Variants in GRIP1 observed in about 807,000 individuals in gnomAD.
The protein encoded by GRIP1 is glutamate receptor-interacting protein 1.
GRIP1 carries 45 observed loss-of-function variants against 129.9 expected under a neutral mutation model. The observed-to-expected ratio is 0.35, with a 90% CI of 0.27 to 0.44. The LOEUF is 0.44. Among genes scored for constraint, GRIP1 ranks in the 20% least tolerant of loss-of-function variants. The pLI, the probability that GRIP1 is intolerant of heterozygous loss-of-function variation, is 1.00. For missense variants in GRIP1, 1,196 were observed against 1,396.8 expected (o/e 0.86, Z 2.29); for synonymous variants, 530 against 520.8 (o/e 1.02, Z -0.24).
At chr12:66,529,683 G>A in intron 5 of GRIP1, 148 bp downstream of exon 5, 1 of 660,534 alleles carries the variant, frequency 1.5e-6, no homozygotes, top group Non-Finnish European at 2.7e-6. Flanking sequence ...TGGGTTCAGT[G>A]TATACTGCTC....
At chr12:66,383,080 T>G (rs1222880886) in intron 19 of GRIP1, among the ~76,000 whole-genome samples, 2 of 152,102 alleles carry the variant, frequency 1.3e-5, no homozygotes, top group Admixed American at 6.6e-5. Flanking sequence ...GTGGACCACC[T>G]GAGGCCAGGA....
chr12:66,569,686 G>A (rs1313644094), intron 2 of GRIP1, among the ~76,000 whole-genome samples: 1 of 152,116 alleles, frequency 6.6e-6, no homozygotes, highest in Non-Finnish European at 1.5e-5. Flanking sequence ...CTCCACAAGT[G>A]TCCAGCAAGA....
chr12:66,415,455 C>G (rs567988557), intron 15 of GRIP1, among the ~76,000 whole-genome samples: 5 of 152,182 alleles, frequency 3.3e-5, no homozygotes, highest in African/African-American at 1.2e-4. Context: ...AAAAGGAATG[C>G]TTTTACATGG....
intron 7 of GRIP1, among the ~76,000 whole-genome samples, chr12:66,497,273 T>C (rs973259274): frequency 6.6e-6 from 1 of 152,168 alleles, no homozygotes; most frequent in Non-Finnish European, 1.5e-5. Context: ...AAGGGCTCCC[T>C]GGGGGAGTAA....
intron 16 of GRIP1, among the ~76,000 whole-genome samples, chr12:66,399,400 G>A (rs866855440): frequency 6.6e-6 from 1 of 151,966 alleles, no homozygotes; most frequent in Non-Finnish European, 1.5e-5. Flanking sequence ...CTCCAGTGTA[G>A]AAGTCTTAGA....
At chr12:66,529,703 GTGCACCAAAA>G in intron 5 of GRIP1, 118 bp downstream of exon 5, 1 of 709,350 alleles carries the variant, frequency 1.4e-6, no homozygotes, top group Non-Finnish European at 2.6e-6. Context: ...CGGGTCGTGG[GTGCACCAAAA>G]TCTCACAAAT....
At chr12:66,463,164 T>A (rs2059185074) in intron 8 of GRIP1, 71 bp from the exon 9 acceptor site, 1 of 1,267,422 alleles carries the variant, frequency 7.9e-7, no homozygotes, top group African/African-American at 1.5e-5. Flanking sequence ...ATGTCCTTCA[T>A]AGTTAAAATT....
At chr12:66,473,717 C>G (rs1005004681) in intron 7 of GRIP1, among the ~76,000 whole-genome samples, 2 of 152,190 alleles carry the variant, frequency 1.3e-5, no homozygotes, top group African/African-American at 4.8e-5. Context: ...CCAGCAAACT[C>G]TAGCAGACCT....
At chr12:66,416,602 A>G (rs117100889) in intron 15 of GRIP1, among the ~76,000 whole-genome samples, 5,344 of 152,304 alleles carry the variant, frequency 0.035, 127 homozygotes, top group Non-Finnish European at 0.056. Context: ...CAGAAATTCA[A>G]AGGATCATTA....
chr12:66,413,759 T>C (rs1399727546), intron 15 of GRIP1, among the ~76,000 whole-genome samples: 1 of 152,198 alleles, frequency 6.6e-6, no homozygotes, highest in African/African-American at 2.4e-5. Context: ...CACGATCAAG[T>C]TGGCTTCATC....
At position 66,352,138 on chromosome 12, in the gene GRIP1, C is replaced by T. The variant is rs531311399; in HGVS notation, c.3159+1279G>A. 2.3e-4 allele frequency among the ~76,000 whole-genome samples: 35 copies of T among 152,270 alleles called. No homozygotes were observed. The South Asian group carries it at 3.5e-3, about 15-fold the overall frequency. On this transcript the variant is annotated intron_variant, in intron 24 of 24. Transcript: ENST00000359742. Reference sequence around the variant, plus strand: ...CTGAGAATAGAGTGGAGAATAAAATCGCTGCCCTCATGGAGTTACATTCTA... The same window carrying T: ...CTGAGAATAGAGTGGAGAATAAAATTGCTGCCCTCATGGAGTTACATTCTA...
intron 1 of GRIP1, among the ~76,000 whole-genome samples, chr12:66,767,371 G>GA (rs937687643): frequency 2.0e-5 from 3 of 151,954 alleles, no homozygotes; most frequent in Non-Finnish European, 4.4e-5. Flanking sequence ...AGAGGCTTAG[G>GA]AAAAAACAAA....
chr12:66,871,953 G>C (rs2040303610), intron 1 of GRIP1, among the ~76,000 whole-genome samples: 1 of 151,990 alleles, frequency 6.6e-6, no homozygotes, highest in Non-Finnish European at 1.5e-5. Context: ...TCATTGTTGT[G>C]GCCAGCCAGA....
chr12:66,633,146 G>A (rs1486457912), intron 1 of GRIP1, among the ~76,000 whole-genome samples: 3 of 151,014 alleles, frequency 2.0e-5, no homozygotes, highest in Admixed American at 1.3e-4. Flanking sequence ...CCAAGTAGCT[G>A]GAACTACATG....
At chr12:66,809,583 T>G (rs969015780) in intron 1 of GRIP1, among the ~76,000 whole-genome samples, 3 of 152,150 alleles carry the variant, frequency 2.0e-5, no homozygotes, top group Non-Finnish European at 4.4e-5. Context: ...TTGTAGCAAA[T>G]GATTTGTAAT....
intron 7 of GRIP1, among the ~76,000 whole-genome samples, chr12:66,467,806 A>C (rs564155018): frequency 6.6e-6 from 1 of 152,364 alleles, no homozygotes; most frequent in East Asian, 1.9e-4. Context: ...TTATCTTTCT[A>C]GAACTTTAGA....
In GRIP1 at chr12:66,450,289, G is replaced by A. The variant is rs1406595665; in HGVS notation, c.1355-4781C>T. On this transcript the variant is annotated intron_variant, in intron 11 of 24. Coordinates refer to ENST00000359742, the MANE Select transcript of GRIP1 (RefSeq NM_001366722.1). The stretch of plus-strand genomic sequence containing the variant: ...ACTGCACTCCAGCCTGGGTGACAGA[G>A]TGAGACTCCATCTCAAAAAAAAAAA... 1.0e-4 allele frequency among the ~76,000 whole-genome samples: 11 copies of A among 105,390 alleles called. No homozygotes were observed. The East Asian group carries it at 3.5e-3, about 34-fold the overall frequency. The allele number at this position is 105,390 out of a possible 152,430, so 69.1% of individuals were successfully genotyped here. A position where few individuals can be genotyped will look rare whatever the true frequency, so the allele number is the denominator to read the frequency against.
At chr12:66,962,495 C>G (rs1490064887) in intron 1 of GRIP1, among the ~76,000 whole-genome samples, 1 of 152,052 alleles carries the variant, frequency 6.6e-6, no homozygotes, top group Admixed American at 6.6e-5. Context: ...CTAAATAATA[C>G]TAAAAAGCGA....
intron 23 of GRIP1, among the ~76,000 whole-genome samples, chr12:66,361,257 A>C (rs2054748208): frequency 6.6e-6 from 1 of 152,124 alleles, no homozygotes; most frequent in African/African-American, 2.4e-5. Context: ...GAGAGAAAGG[A>C]AGAGCTGCTC....
Sources: gnomAD v4.1 joint callset for allele counts (sites outside exome capture counted in the v4.1 genomes callset) on GRCh38, gnomAD v4.1.1 for gene constraint, MANE v1.5 for transcripts, NCBI Gene and HGNC (gene_info 2026-07-23, HGNC 2026-07-21) for gene names.